ACOXL: variants seen among roughly 807,000 people sequenced by gnomAD.
ACOXL encodes acyl-CoA oxidase like, also known as acyl-coenzyme A oxidase-like protein.
Under a neutral mutation model 71.9 loss-of-function variants are expected in ACOXL, and 70 were observed. The observed-to-expected ratio is 0.97, with a 90% CI of 0.80 to 1.19. The LOEUF is 1.19. Ranked by LOEUF, ACOXL falls within the 50% of genes most tolerant of loss-of-function variation. The pLI, the probability that ACOXL is intolerant of heterozygous loss-of-function variation, is 0.00. For synonymous variants in ACOXL, 253 were observed against 281.6 expected (o/e 0.90, Z 1.02); for missense variants, 703 against 736.3 (o/e 0.95, Z 0.52).
At chr2:110,818,117 G>A (rs78692200) in intron 9 of ACOXL, among the ~76,000 whole-genome samples, 1,834 of 152,000 alleles carry the variant, frequency 0.012, 42 homozygotes, top group African/African-American at 0.042. Flanking sequence ...ATACTTGGCC[G>A]GGTGCAGTGG....
chr2:110,746,180 G>A (rs1678171545), intron 1 of ACOXL, among the ~76,000 whole-genome samples: 1 of 152,192 alleles, frequency 6.6e-6, no homozygotes, highest in Admixed American at 6.5e-5. Context: ...GATGTTGACT[G>A]CAGAGCTGAG....
rs1344251927 is a variant in ACOXL at position 111,117,928 on chromosome 2, T to TCGGGGATTTTGGTGGCAAAG, written c.*116_*135dup. On this transcript the variant is annotated 3_prime_UTR_variant, in exon 18 of 18. Transcript: ENST00000439055. Reference sequence around the variant, plus strand: ...GCTGGCACCCGCTGGGCCGCCACTCTCGGGGATTTTGGTGGCAAAGCGGAG... The same window carrying TCGGGGATTTTGGTGGCAAAG: ...GCTGGCACCCGCTGGGCCGCCACTCTCGGGGATTTTGGTGGCAAAGCGGGGATTTTGGTGGCAAAGCGGAG... 1.5e-6 allele frequency: 2 copies of TCGGGGATTTTGGTGGCAAAG among 1,291,392 alleles called. No homozygotes were observed. Among genetic ancestry groups the TCGGGGATTTTGGTGGCAAAG allele is most frequent in the African/African-American group, 3.0e-5 (2 of 66,882 alleles). The allele number at this position is 1,291,392 out of a possible 1,614,324, so 80.0% of individuals were successfully genotyped here. A position where few individuals can be genotyped will look rare whatever the true frequency, so the allele number is the denominator to read the frequency against.
intron 16 of ACOXL, among the ~76,000 whole-genome samples, chr2:111,079,856 C>T (rs2067807137): frequency 7.3e-6 from 1 of 136,604 alleles, no homozygotes; most frequent in Admixed American, 7.5e-5. Flanking sequence ...AGTGGAGGTA[C>T]TACAGTGTGA....
chr2:110,757,877 C>T (rs763627656), intron 1 of ACOXL, among the ~76,000 whole-genome samples: 5 of 152,100 alleles, frequency 3.3e-5, no homozygotes, highest in Non-Finnish European at 5.9e-5. Context: ...TTTTGCTGTC[C>T]AGGAGCTCTT....
chr2:111,034,183 A>G (rs769416023), intron 15 of ACOXL, among the ~76,000 whole-genome samples: 4 of 152,188 alleles, frequency 2.6e-5, no homozygotes, highest in Non-Finnish European at 4.4e-5. Context: ...TGTAGAGAGC[A>G]TGATATTTAC....
At chr2:110,850,048 C>G (rs906366246) in intron 10 of ACOXL, among the ~76,000 whole-genome samples, 1 of 152,126 alleles carries the variant, frequency 6.6e-6, no homozygotes, top group African/African-American at 2.4e-5. Context: ...AATTGGACAT[C>G]CATATAAAAA....
intron 16 of ACOXL, among the ~76,000 whole-genome samples, chr2:111,053,476 T>A (rs1183489845): frequency 6.6e-6 from 1 of 152,224 alleles, no homozygotes; most frequent in Non-Finnish European, 1.5e-5. Flanking sequence ...TGGGTCAGCC[T>A]AGATTTGAAT....
At chr2:111,082,524 C>T (rs1259453170) in intron 16 of ACOXL, among the ~76,000 whole-genome samples, 1 of 152,114 alleles carries the variant, frequency 6.6e-6, no homozygotes, top group African/African-American at 2.4e-5. Flanking sequence ...CAGGAAAAGA[C>T]AGATGCTGGA....
intron 16 of ACOXL, among the ~76,000 whole-genome samples, chr2:111,091,436 A>T (rs2068517715): frequency 6.6e-6 from 1 of 152,156 alleles, no homozygotes; most frequent in African/African-American, 2.4e-5. Context: ...CTGATCTTAT[A>T]TTTTTGTATA....
intron 10 of ACOXL, among the ~76,000 whole-genome samples, chr2:110,873,768 G>A (rs1367831707): frequency 6.6e-6 from 1 of 152,198 alleles, no homozygotes; most frequent in African/African-American, 2.4e-5. Context: ...GAGTGTATCT[G>A]TTCAATTGCG....
At chr2:110,820,096 A>AT (rs764549527) in intron 9 of ACOXL, among the ~76,000 whole-genome samples, 6 of 152,132 alleles carry the variant, frequency 3.9e-5, no homozygotes, top group Admixed American at 6.5e-5. Context: ...ATTTCCCAAC[A>AT]TTCCCTAGTC....
chr2:110,811,344 T>A (rs1402061108), intron 9 of ACOXL, among the ~76,000 whole-genome samples: 4 of 151,890 alleles, frequency 2.6e-5, no homozygotes, highest in Non-Finnish European at 5.9e-5. Flanking sequence ...CTGAGTTGAA[T>A]GGGGTTGGTG....
chr2:110,917,518 A>G (rs2059909659), intron 11 of ACOXL, among the ~76,000 whole-genome samples: 1 of 152,128 alleles, frequency 6.6e-6, no homozygotes, highest in African/African-American at 2.4e-5. Flanking sequence ...CTCTCTCACC[A>G]CTCCTATTCA....
intron 9 of ACOXL, among the ~76,000 whole-genome samples, chr2:110,826,551 A>G (rs1187257974): frequency 6.6e-6 from 1 of 152,180 alleles, no homozygotes. Context: ...CCTGACCCAG[A>G]TTCTAATCTG....
chr2:110,940,974 C>G (rs747092882), intron 12 of ACOXL, among the ~76,000 whole-genome samples: 1 of 152,194 alleles, frequency 6.6e-6, no homozygotes, highest in South Asian at 2.1e-4. Context: ...TTCAAACTAT[C>G]TTTACCTTTG....
chr2:110,891,326 A>T (rs1423147075), intron 10 of ACOXL, among the ~76,000 whole-genome samples: 2 of 152,130 alleles, frequency 1.3e-5, no homozygotes, highest in Non-Finnish European at 2.9e-5. Flanking sequence ...TATCTTGTAC[A>T]ATATTAATAT....
At chr2:111,116,507 A>C (rs1331618664) in intron 17 of ACOXL, among the ~76,000 whole-genome samples, 2 of 144,046 alleles carry the variant, frequency 1.4e-5, no homozygotes, top group Non-Finnish European at 3.1e-5. Context: ...ATGCTCTGAA[A>C]ACCTGAAATG....
intron 14 of ACOXL, among the ~76,000 whole-genome samples, chr2:111,004,705 A>G (rs2063791239): frequency 6.6e-6 from 1 of 152,220 alleles, no homozygotes; most frequent in South Asian, 2.1e-4. Flanking sequence ...CCAATAGGAA[A>G]AGGACCAATA....
At chr2:110,795,276 G>T (rs1381544254) in intron 5 of ACOXL, among the ~76,000 whole-genome samples, 1 of 152,162 alleles carries the variant, frequency 6.6e-6, no homozygotes, top group Non-Finnish European at 1.5e-5. Flanking sequence ...CAGGGGCGGG[G>T]TGTATTGGAG....
Sources: gnomAD v4.1 joint callset for allele counts (sites outside exome capture counted in the v4.1 genomes callset) on GRCh38, gnomAD v4.1.1 for gene constraint, MANE v1.5 for transcripts, NCBI Gene and HGNC (gene_info 2026-07-23, HGNC 2026-07-21) for gene names.